The following LIMCH1 variants were observed in gnomAD, a reference collection of about 807,000 sequenced individuals.
LIMCH1 encodes LIM and calponin homology domains-containing protein 1.
A neutral mutation model predicts 176.5 loss-of-function variants in LIMCH1; 113 were observed. The observed-to-expected ratio is 0.64, with a 90% CI of 0.55 to 0.75. LIMCH1 has a LOEUF of 0.75. Among genes scored for constraint, LIMCH1 ranks in the 30% least tolerant of loss-of-function variants. The pLI is 0.00. For missense variants in LIMCH1, 1,674 were observed against 1,814.9 expected, an observed-to-expected ratio of 0.92 and a Z score of 1.41; for synonymous variants, 619 against 645.9, an observed-to-expected ratio of 0.96 and a Z score of 0.63.
chr4:41,599,418 G>C (rs2089526061), intron 2 of LIMCH1, among the ~76,000 whole-genome samples: 1 of 152,206 alleles, frequency 6.6e-6, no homozygotes, highest in African/African-American at 2.4e-5. Context: ...GTTATGCAAA[G>C]AAAGCATTAG....
At chr4:41,476,509 C>T (rs1229379615) in intron 1 of LIMCH1, among the ~76,000 whole-genome samples, 1 of 152,208 alleles carries the variant, frequency 6.6e-6, no homozygotes, top group African/African-American at 2.4e-5. Context: ...CCACACTCTG[C>T]ATCAGCAATG....
At chr4:41,384,682 C>G (rs1336173763) in intron 1 of LIMCH1, among the ~76,000 whole-genome samples, 1 of 152,126 alleles carries the variant, frequency 6.6e-6, no homozygotes, top group Non-Finnish European at 1.5e-5. Context: ...GAAGAAAGGG[C>G]TGAGCTTGAT....
At chr4:41,665,471 T>G (rs141879602) in intron 20 of LIMCH1, among the ~76,000 whole-genome samples, 67 of 152,338 alleles carry the variant, frequency 4.4e-4, no homozygotes, top group African/African-American at 1.5e-3. Context: ...TTTAAGATTC[T>G]CTTAGAGTTG....
chr4:41,588,159 C>T (rs2086821885), intron 1 of LIMCH1, among the ~76,000 whole-genome samples: 1 of 150,698 alleles, frequency 6.6e-6, no homozygotes, highest in Non-Finnish European at 1.5e-5. Context: ...TTGTTCAATT[C>T]CCACCTATGA....
At chr4:41,496,445 G>T (rs557770989) in intron 2 of LIMCH1, among the ~76,000 whole-genome samples, 2 of 152,318 alleles carry the variant, frequency 1.3e-5, no homozygotes, top group East Asian at 3.9e-4. Flanking sequence ...GAGGCCAGAG[G>T]CAAGGAAAGC....
Position 41,684,535 on chromosome 4 carries a change from C to A in LIMCH1, c.3967+17C>A, listed in dbSNP as rs1208600382. 6.2e-7 allele frequency: 1 copy of A among 1,610,960 alleles called. No homozygotes were observed. The highest frequency in any genetic ancestry group is 1.7e-5 in the Admixed American group (1 of 59,482). Reference sequence around the variant, plus strand: ...TTGCTCAGGGTAAGAATGGAGAAGACCAGTTTCATTCAATGTTTAAATTGT... The same window carrying A: ...TTGCTCAGGGTAAGAATGGAGAAGAACAGTTTCATTCAATGTTTAAATTGT... On this transcript the variant is annotated intron_variant, in intron 27 of 31. Transcript: ENST00000503057.
At chr4:41,497,203 C>T (rs1365881499) in intron 2 of LIMCH1, among the ~76,000 whole-genome samples, 2 of 151,976 alleles carry the variant, frequency 1.3e-5, no homozygotes, top group South Asian at 4.1e-4. Context: ...TTTTGTTCAA[C>T]AAATGCTCAT....
chr4:41,500,767 A>G (rs1011961099), intron 2 of LIMCH1, among the ~76,000 whole-genome samples: 3 of 152,240 alleles, frequency 2.0e-5, no homozygotes, highest in African/African-American at 7.2e-5. Context: ...GACAGGCACT[A>G]GAAGAGTATA....
chr4:41,408,759 T>A (rs1297544216), intron 1 of LIMCH1, among the ~76,000 whole-genome samples: 1 of 152,218 alleles, frequency 6.6e-6, no homozygotes, highest in East Asian at 1.9e-4. Context: ...TTCTGCTCTT[T>A]CTTAAACATC....
intron 1 of LIMCH1, 41 bp from the exon 2 acceptor site, chr4:41,598,879 T>C: frequency 7.5e-7 from 1 of 1,328,662 alleles, no homozygotes; most frequent in Non-Finnish European, 1.1e-6. Flanking sequence ...ATAAAGATAA[T>C]CTAAGATAAT....
intron 1 of LIMCH1, among the ~76,000 whole-genome samples, chr4:41,542,540 G>T (rs1006344735): frequency 1.3e-5 from 2 of 152,078 alleles, no homozygotes; most frequent in African/African-American, 4.8e-5. Context: ...GTTAGAAAGA[G>T]AAAACTGATT....
At chr4:41,663,313 C>G (rs931279099) in intron 20 of LIMCH1, among the ~76,000 whole-genome samples, 7 of 152,022 alleles carry the variant, frequency 4.6e-5, no homozygotes, top group African/African-American at 1.7e-4. Context: ...GCCACCACGC[C>G]CAGCTAATTT....
chr4:41,489,849 A>G (rs1455184637), intron 1 of LIMCH1, among the ~76,000 whole-genome samples: 1 of 152,140 alleles, frequency 6.6e-6, no homozygotes, highest in East Asian at 1.9e-4. Flanking sequence ...GTCCACAAAA[A>G]CTTTACTAGC....
chr4:41,668,073 CTT>C (rs2094894875), intron 21 of LIMCH1, among the ~76,000 whole-genome samples: 1 of 151,982 alleles, frequency 6.6e-6, no homozygotes, highest in Admixed American at 6.6e-5. Context: ...TTTTAACAGA[CTT>C]TCTCCAGTGT....
chr4:41,575,623 A>G (rs1379051739), intron 1 of LIMCH1, among the ~76,000 whole-genome samples: 1 of 152,220 alleles, frequency 6.6e-6, no homozygotes, highest in Non-Finnish European at 1.5e-5. Flanking sequence ...AAGATGTTTA[A>G]GGTTAGGGCC....
At chr4:41,637,250 G>T (rs949805050) in intron 13 of LIMCH1, among the ~76,000 whole-genome samples, 16 of 152,054 alleles carry the variant, frequency 1.1e-4, no homozygotes, top group African/African-American at 3.9e-4. Context: ...GTACAGTGGC[G>T]TGATCTCTGC....
chr4:41,644,520 T>C lies in LIMCH1; in HGVS notation c.2147T>C (p.Met716Thr), dbSNP rs1161186660. 2.5e-6 allele frequency: 4 copies of C among 1,582,092 alleles called. 1 individual carries two copies. The highest frequency in any genetic ancestry group is 3.6e-5 in the Admixed American group (2 of 54,866). Reference sequence around the variant, plus strand: ...CTCAGGAGCACCAGCATGTTTGACATGCGGTGTGAGGAGGAGGCCGCGGTG... The same window carrying C: ...CTCAGGAGCACCAGCATGTTTGACACGCGGTGTGAGGAGGAGGCCGCGGTG... ...DDAESTSMFDMRCEEEAAVQP... is the reference protein window; with the variant it reads ...DDAESTSMFDTRCEEEAAVQP... Residue 716 changes from methionine to threonine, a missense_variant, in exon 15 of 32, where the codon ATG (methionine) becomes ACG (threonine). Coordinates refer to ENST00000503057, the MANE Select transcript of LIMCH1 (RefSeq NM_001330672.2).
At chr4:41,499,111 A>G (rs1304774694) in intron 2 of LIMCH1, among the ~76,000 whole-genome samples, 1 of 152,204 alleles carries the variant, frequency 6.6e-6, no homozygotes, top group Admixed American at 6.5e-5. Flanking sequence ...GCAAAATGCT[A>G]TTTGGGTAAA....
chr4:41,494,313 A>G (rs1393005187), intron 1 of LIMCH1, among the ~76,000 whole-genome samples: 2 of 149,366 alleles, frequency 1.3e-5, no homozygotes, highest in Non-Finnish European at 3.0e-5. Context: ...AATTATATAT[A>G]TACACACATA....
Sources: allele counts gnomAD v4.1 joint callset (sites outside exome capture counted in the v4.1 genomes callset), GRCh38; gene constraint gnomAD v4.1.1; transcripts MANE v1.5; gene names NCBI Gene and HGNC (gene_info 2026-07-23, HGNC 2026-07-21).